KIF26B: variants seen among roughly 807,000 people sequenced by gnomAD.
KIF26B encodes the protein kinesin-like protein KIF26B.
KIF26B carries 63 observed loss-of-function variants against 151.2 expected under a neutral mutation model. The observed-to-expected ratio is 0.42, with a 90% CI of 0.34 to 0.51. The LOEUF is 0.51. KIF26B is among the 20% of genes least tolerant of loss of function. KIF26B has a pLI of 0.07. For missense variants in KIF26B, 2,813 were observed against 2,913.6 expected, an observed-to-expected ratio of 0.97 and a Z score of 0.79; for synonymous variants, 1,357 against 1,262.1, an observed-to-expected ratio of 1.08 and a Z score of -1.59.
At position 245,684,316 on chromosome 1, in the gene KIF26B, C is replaced by T. The variant is rs145521032; in HGVS notation, c.2342C>T (p.Ala781Val). 1.4e-5 allele frequency: 23 copies of T among 1,613,880 alleles called. No homozygotes were observed. Among genetic ancestry groups the T allele is most frequent in the East Asian group, 2.2e-5 (1 of 44,862 alleles). Residue 781 changes from alanine (A) to valine (V), a missense_variant, in exon 11 of 15, where the codon GCG becomes GTG. By Grantham distance (64) the Ala-to-Val change is moderately conservative. Around this residue, in one of 3 missense-constraint regions of KIF26B, gnomAD observed 2,060 missense variants for 2,088.6 expected, o/e 0.99. Transcript: ENST00000407071. ...RTTMIAHISA[A>V]VGSYAETLST... ...ACCATGATCGCGCACATCTCGGCCG[C>T]GGTCGGGAGCTACGCGGAGACCCTG...
rs1435608773 is a variant in KIF26B, at chr1:245,678,687, T to TC, written c.2259-5543dup. 1.1e-4 allele frequency among the ~76,000 whole-genome samples: 16 copies of TC among 151,564 alleles called. No homozygotes were observed. The East Asian group carries it at 3.1e-3, about 30-fold the overall frequency. The stretch of plus-strand genomic sequence containing the variant: ...GACCATCGTGGCCAACATGGTGAAA[T>TC]CCCGTCTCTACTAAAAAATACAAAA... On this transcript the variant is annotated intron_variant, in intron 10 of 14. Transcript: ENST00000407071.
At chr1:245,628,911 T>C (rs972533804) in intron 9 of KIF26B, among the ~76,000 whole-genome samples, 1 of 152,170 alleles carries the variant, frequency 6.6e-6, no homozygotes, top group Non-Finnish European at 1.5e-5. Context: ...ATTCTCAGGA[T>C]ACAAAATCAA....
chr1:245,584,705 T>C (rs115585447), intron 5 of KIF26B, among the ~76,000 whole-genome samples: 2,589 of 152,316 alleles, frequency 0.017, 74 homozygotes, highest in East Asian at 0.08. Context: ...CAGTTTATGC[T>C]TCTACGATAG....
chr1:245,532,436 G>A lies in KIF26B; in HGVS notation c.1167-8331G>A, dbSNP rs182743600. On this transcript the variant is annotated intron_variant, in intron 4 of 14. Transcript: ENST00000407071. ...AATTTTTTGTATTTTTGGTAGAGAC[G>A]GGGTTTCATCGTGTTAGCCAGGATG... Among the ~76,000 whole-genome samples, 429 of 151,794 alleles carry A rather than the reference G, an allele frequency of 2.8e-3. 2 individuals carry two copies. The highest frequency in any genetic ancestry group is 9.6e-3 in the African/African-American group (396 of 41,398).
intron 10 of KIF26B, among the ~76,000 whole-genome samples, chr1:245,670,569 T>G (rs187634177): frequency 6.7e-4 from 102 of 152,096 alleles, no homozygotes; most frequent in Admixed American, 1.2e-3. Flanking sequence ...AAACAGATAC[T>G]TGTATACCAA....
At chr1:245,607,484 G>A (rs150140717) in intron 6 of KIF26B, among the ~76,000 whole-genome samples, 167 bp from the exon 7 acceptor site, 11 of 152,308 alleles carry the variant, frequency 7.2e-5, no homozygotes, top group Middle Eastern at 6.8e-3. Flanking sequence ...GCGGAAGGTC[G>A]CCAGGGGTTC....
chr1:245,351,723 A>G (rs1473187953), intron 2 of KIF26B, among the ~76,000 whole-genome samples: 1 of 152,218 alleles, frequency 6.6e-6, no homozygotes, highest in Non-Finnish European at 1.5e-5. Flanking sequence ...GGTCTTCAGA[A>G]TTCAGGTCCA....
rs1279447436 is a variant in KIF26B at position 245,263,921 on chromosome 1, C to T, written c.466-102913C>T. On this transcript the variant is annotated intron_variant, in intron 2 of 14. Transcript: ENST00000407071. Reference sequence around the variant, plus strand: ...TGTGTGTGTCTGCTTAGCTTTCTCACGCTGAGCCTTTTCCCTCAGGATCTT... The same window carrying T: ...TGTGTGTGTCTGCTTAGCTTTCTCATGCTGAGCCTTTTCCCTCAGGATCTT... 4.6e-5 allele frequency among the ~76,000 whole-genome samples: 7 copies of T among 152,340 alleles called. No homozygotes were observed. In the East Asian group the frequency reaches 5.8e-4, roughly 13 times the overall value.
chr1:245,490,306 A>ATTTTT (rs57644744), intron 4 of KIF26B, among the ~76,000 whole-genome samples: 1 of 83,846 alleles, frequency 1.2e-5, no homozygotes, highest in Non-Finnish European at 2.3e-5. Flanking sequence ...TCTGTAGAAC[A>ATTTTT]TTTTTTTTTT....
In KIF26B at chr1:245,597,973, C is replaced by T. The variant is rs143493274; in HGVS notation, c.1351-4604C>T. ...GAAGTTCTCATGCTGTGTTTTTCAA[C>T]TCCATCAGGTCATTTGTGTTCTTCT... On this transcript the variant is annotated intron_variant, in intron 5 of 14. Coordinates refer to ENST00000407071, the MANE Select transcript of KIF26B (RefSeq NM_018012.4). This position sits in a 1 kb window ranked among gnomAD's most constrained non-coding sequence, Gnocchi z 4.6. Among the ~76,000 whole-genome samples, 6 of 152,062 alleles carry T rather than the reference C, an allele frequency of 3.9e-5. No individual in the cohort carries two copies. The highest frequency in any genetic ancestry group is 7.4e-5 in the Non-Finnish European group (5 of 68,020).
At position 245,170,747 on chromosome 1, in the gene KIF26B, C is replaced by T. The variant is rs1361424428; in HGVS notation, c.465+14064C>T. The stretch of plus-strand genomic sequence containing the variant: ...AATTATGAGAGCTCTGCCTTCATGA[C>T]CCAGTTTGCTCCCAAAGGCCCACCT... On this transcript the variant is annotated intron_variant, in intron 2 of 14. Transcript: ENST00000407071. The surrounding 1 kb of genome is among the most constrained non-coding windows in gnomAD (Gnocchi z 4.4). Among the ~76,000 whole-genome samples, 2 of 152,124 alleles carry T rather than the reference C, an allele frequency of 1.3e-5. No homozygotes were observed. Among genetic ancestry groups the T allele is most frequent in the Non-Finnish European group, 2.9e-5 (2 of 68,010 alleles).
chr1:245,315,628 A>T (rs1276949881), intron 2 of KIF26B, among the ~76,000 whole-genome samples: 1 of 151,776 alleles, frequency 6.6e-6, no homozygotes, highest in African/African-American at 2.4e-5. Context: ...AGGCTAAGGC[A>T]GGAGACTCTC....
At chr1:245,163,883 TA>T (rs2103518719) in intron 2 of KIF26B, among the ~76,000 whole-genome samples, 1 of 152,318 alleles carries the variant, frequency 6.6e-6, no homozygotes, top group Admixed American at 6.5e-5. Context: ...CACTGATTTT[TA>T]AAAAATTGGT....
chr1:245,283,003 C>T (rs1671090686), intron 2 of KIF26B: 4 of 296,768 alleles, frequency 1.3e-5, no homozygotes, highest in Non-Finnish European at 2.1e-5. Flanking sequence ...GCTTGAGGCT[C>T]CATGTGCTTC....
chr1:245,507,605 C>G (rs1471086935), intron 4 of KIF26B, among the ~76,000 whole-genome samples: 2 of 152,154 alleles, frequency 1.3e-5, no homozygotes, highest in East Asian at 3.9e-4. Flanking sequence ...TTGCCCACAG[C>G]TGGGGCAACA....
intron 4 of KIF26B, chr1:245,510,951 T>G: frequency 1.6e-6 from 1 of 629,526 alleles, no homozygotes. Flanking sequence ...CCCCCATGGA[T>G]TTTAGAATTT....
At chr1:245,655,638 T>C (rs57379417) in intron 10 of KIF26B, among the ~76,000 whole-genome samples, 7,507 of 152,260 alleles carry the variant, frequency 0.049, 636 homozygotes, top group African/African-American at 0.17. Context: ...GGGTGGGGGT[T>C]CGATGCTGCT....
At chr1:245,480,872 G>A in intron 4 of KIF26B, among the ~76,000 whole-genome samples, 1 of 151,530 alleles carries the variant, frequency 6.6e-6, no homozygotes, top group East Asian at 1.9e-4. Context: ...GGACCACAGA[G>A]GTCATCTGGG....
chr1:245,376,337 T>C (rs1267881897), intron 3 of KIF26B, among the ~76,000 whole-genome samples: 2 of 152,120 alleles, frequency 1.3e-5, no homozygotes, highest in African/African-American at 4.8e-5. Context: ...TCAATGGGGA[T>C]TCCGGAGCAG....
Sources: allele counts gnomAD v4.1 joint callset (sites outside exome capture counted in the v4.1 genomes callset), GRCh38; gene constraint gnomAD v4.1.1; regional missense constraint gnomAD v4.1.1; non-coding constraint Gnocchi (gnomAD v3.1); transcripts MANE v1.5; gene names NCBI Gene and HGNC (gene_info 2026-07-23, HGNC 2026-07-21).